NTMT2: variants seen among roughly 807,000 people sequenced by gnomAD.
NTMT2 encodes N-terminal Xaa-Pro-Lys N-methyltransferase 2, also known as X-Pro-Lys N-terminal protein methyltransferase 1B.
In NTMT2, 21 loss-of-function variants were observed where a neutral mutation model predicts 23.4. That is an observed-to-expected ratio of 0.90 (90% CI 0.64 to 1.29). The LOEUF (loss-of-function observed/expected upper bound fraction) is 1.29, where lower values mean the gene tolerates loss of function less well. Among genes scored for constraint, NTMT2 ranks in the 50% most tolerant of loss-of-function variants. NTMT2 has a pLI of 0.00. For synonymous variants in NTMT2, 131 were observed against 127.7 expected (o/e 1.03, Z -0.17); for missense variants, 336 against 352.0 (o/e 0.95, Z 0.36).
At chr1:170,150,997 A>G (rs926237923) in intron 1 of NTMT2, among the ~76,000 whole-genome samples, 21 of 152,168 alleles carry the variant, frequency 1.4e-4, no homozygotes, top group Non-Finnish European at 1.3e-4. Context: ...CATAGAAGTC[A>G]ATGAATATTC....
intron 2 of NTMT2, among the ~76,000 whole-genome samples, chr1:170,161,951 G>A (rs539658521): frequency 7.4e-4 from 112 of 152,212 alleles, no homozygotes; most frequent in African/African-American, 2.6e-3. Flanking sequence ...TTAGCCGGGC[G>A]TGGTGTTGCG....
chr1:170,156,732 T>TC (rs1299812591), intron 1 of NTMT2, among the ~76,000 whole-genome samples: 1 of 151,728 alleles, frequency 6.6e-6, no homozygotes, highest in Non-Finnish European at 1.5e-5. Flanking sequence ...CATATATCTT[T>TC]TTTTTTTTTA....
intron 1 of NTMT2, among the ~76,000 whole-genome samples, chr1:170,155,622 AAG>A (rs1673150886): frequency 6.6e-6 from 1 of 152,052 alleles, no homozygotes; most frequent in South Asian, 2.1e-4. Flanking sequence ...TTGTCTTCTG[AAG>A]AATTTTAGAT....
rs1026466878 is a variant in NTMT2 at position 170,164,464 on chromosome 1, T to G, written c.331-2038T>G. Among the ~76,000 whole-genome samples, 10 of 152,260 alleles carry G rather than the reference T, an allele frequency of 6.6e-5. No individual in the cohort carries two copies. In the East Asian group the frequency reaches 1.7e-3, roughly 26 times the overall value. ...GCTCATCTTTTTGTTATGAATTTAC[T>G]TAGAAGATGCTTCTTTCACAGCATT... On this transcript the variant is annotated intron_variant, in intron 2 of 3. Transcript: ENST00000439373.
intron 1 of NTMT2, among the ~76,000 whole-genome samples, chr1:170,154,400 G>T (rs1202446109): frequency 1.3e-5 from 2 of 152,276 alleles, no homozygotes; most frequent in Middle Eastern, 3.4e-3. Context: ...AGACCCACCT[G>T]CAGTTTACAA....
intron 1 of NTMT2, among the ~76,000 whole-genome samples, chr1:170,160,294 A>G (rs767346045): frequency 1.3e-5 from 2 of 152,238 alleles, no homozygotes; most frequent in African/African-American, 2.4e-5. Flanking sequence ...ATTATAATCC[A>G]TAGATGCGAT....
At chr1:170,161,134 C>G (rs1673266165) in intron 2 of NTMT2, among the ~76,000 whole-genome samples, 1 of 151,990 alleles carries the variant, frequency 6.6e-6, no homozygotes. Context: ...CCTGTCTCTA[C>G]TAAAAATACA....
intron 2 of NTMT2, among the ~76,000 whole-genome samples, chr1:170,166,225 C>T (rs1311213992): frequency 6.8e-6 from 1 of 146,448 alleles, no homozygotes. Context: ...CTGCAAGCTC[C>T]GCTTCCAGGG....
At chr1:170,154,823 G>C (rs1348911509) in intron 1 of NTMT2, among the ~76,000 whole-genome samples, 1 of 151,972 alleles carries the variant, frequency 6.6e-6, no homozygotes, top group Admixed American at 6.6e-5. Flanking sequence ...GGAGGGCCAG[G>C]GCAGAATCAT....
At chr1:170,158,006 T>C (rs1415201769) in intron 1 of NTMT2, 1 of 152,278 alleles carries the variant, frequency 6.6e-6, no homozygotes, top group Admixed American at 6.5e-5. Flanking sequence ...TTTCTTTTCA[T>C]TGGATTCCTG....
At chr1:170,149,916 A>C (rs1673035407) in intron 1 of NTMT2, among the ~76,000 whole-genome samples, 1 of 152,210 alleles carries the variant, frequency 6.6e-6, no homozygotes, top group South Asian at 2.1e-4. Context: ...GTGAGTATTA[A>C]TTATGTTTTT....
intron 1 of NTMT2, among the ~76,000 whole-genome samples, chr1:170,157,581 T>C (rs963066343): frequency 1.3e-5 from 2 of 152,122 alleles, no homozygotes; most frequent in African/African-American, 4.8e-5. Context: ...GATTTTTAAC[T>C]CTCAGAATCA....
intron 1 of NTMT2, among the ~76,000 whole-genome samples, chr1:170,152,262 C>T (rs867728032): frequency 6.6e-6 from 1 of 152,160 alleles, no homozygotes; most frequent in East Asian, 1.9e-4. Context: ...CTATAAAATT[C>T]TACAGAGGTG....
At chr1:170,157,990 T>A (rs1408169952) in intron 1 of NTMT2, 1 of 152,124 alleles carries the variant, frequency 6.6e-6, no homozygotes, top group Non-Finnish European at 1.5e-5. Context: ...ATCTGTCATT[T>A]TGGGATTTCT....
At chr1:170,162,629 T>A (rs1451700494) in intron 2 of NTMT2, among the ~76,000 whole-genome samples, 1 of 152,222 alleles carries the variant, frequency 6.6e-6, no homozygotes, top group African/African-American at 2.4e-5. Context: ...AAGCGTTGTC[T>A]CATTTACTCT....
intron 1 of NTMT2, among the ~76,000 whole-genome samples, chr1:170,152,523 G>C (rs892766211): frequency 1.3e-5 from 2 of 152,114 alleles, no homozygotes; most frequent in African/African-American, 4.8e-5. Flanking sequence ...AAAGAAAAAA[G>C]CCCCACACAA....
chr1:170,153,814 A>G (rs1673114948), intron 1 of NTMT2, among the ~76,000 whole-genome samples: 1 of 152,236 alleles, frequency 6.6e-6, no homozygotes, highest in Admixed American at 6.5e-5. Context: ...TTTCAGAGTA[A>G]GAATTAAAGT....
chr1:170,166,788 C>T (rs1241035309), intron 3 of NTMT2, 37 bp downstream of exon 3: 1 of 1,547,014 alleles, frequency 6.5e-7, no homozygotes. Context: ...CTTTTCTCCC[C>T]TTCTCAGCCA....
intron 2 of NTMT2, among the ~76,000 whole-genome samples, chr1:170,162,230 C>T (rs1673288246): frequency 6.6e-6 from 1 of 152,112 alleles, no homozygotes; most frequent in Non-Finnish European, 1.5e-5. Context: ...CAATACATTA[C>T]AAAGTCATTG....
Sources: allele counts gnomAD v4.1 joint callset (sites outside exome capture counted in the v4.1 genomes callset), GRCh38; gene constraint gnomAD v4.1.1; transcripts MANE v1.5; gene names NCBI Gene and HGNC (gene_info 2026-07-23, HGNC 2026-07-21).